The following DLK2 variants were observed in gnomAD, a reference collection of about 807,000 sequenced individuals.
DLK2 encodes the protein protein delta homolog 2.
A neutral mutation model predicts 31.3 loss-of-function variants in DLK2; 9 were observed. The observed-to-expected ratio is 0.29, with a 90% CI of 0.17 to 0.50. The LOEUF (loss-of-function observed/expected upper bound fraction) is 0.50, where lower values mean the gene tolerates loss of function less well. DLK2 is among the 20% of genes least tolerant of loss of function. The probability of loss-of-function intolerance (pLI) is 0.98; values close to 1 mark genes in which losing one functional copy is unlikely to be tolerated. For synonymous variants in DLK2, 169 were observed against 201.2 expected (o/e 0.84, Z 1.35); for missense variants, 387 against 526.1 (o/e 0.74, Z 2.59).
rs1345628438 is a variant in DLK2 at position 43,453,928 on chromosome 6, C to A, written c.140+483G>T. Among the ~76,000 whole-genome samples the A allele has an allele frequency of 1.3e-5, 2 of 152,212 alleles. No individual in the cohort carries two copies. Among genetic ancestry groups the A allele is most frequent in the East Asian group, 1.9e-4 (1 of 5,206 alleles). On this transcript the variant is annotated intron_variant, in intron 3 of 5. Coordinates refer to ENST00000372488, the MANE Select transcript of DLK2 (RefSeq NM_023932.4). This position sits in a 1 kb window ranked among gnomAD's most constrained non-coding sequence, Gnocchi z 4.1. ...CAAAGACCCCCAGCCAATTGAACTACCTGCCTCATCAACTCATTTCCTTAT... is the reference window on the plus strand; with the variant it reads ...CAAAGACCCCCAGCCAATTGAACTAACTGCCTCATCAACTCATTTCCTTAT...
In DLK2 at chr6:43,451,282, A is replaced by G. The variant is rs187477013; in HGVS notation, c.417-8T>C. The G allele has an allele frequency of 7.4e-3, 11,998 of 1,612,112 alleles. 63 individuals carry two copies. The highest frequency in any genetic ancestry group is 8.9e-3 in the Non-Finnish European group (10,456 of 1,178,822). ...CCATTGCGGCATGGGGAGCTGTGGT[A>G]GGGGTGAGAGAGGACATGATAACCA... On this transcript the variant is annotated splice_polypyrimidine_tract_variant and splice_region_variant and intron_variant, in intron 5 of 5. Coordinates refer to ENST00000372488, the MANE Select transcript of DLK2 (RefSeq NM_023932.4). The surrounding 1 kb of genome is among the most constrained non-coding windows in gnomAD (Gnocchi z 4.4).
chr6:43,454,584 G>A (rs552664678), intron 2 of DLK2, 110 bp from the exon 3 acceptor site: 11 of 1,342,708 alleles, frequency 8.2e-6, no homozygotes, highest in East Asian at 7.6e-5. Flanking sequence ...CTCAACCCTA[G>A]GGCAGGACAT....
chr6:43,451,037 G>T lies in DLK2; in HGVS notation c.654C>A (p.Ser218Arg). 6.2e-7 allele frequency: 1 copy of T among 1,614,254 alleles called. No homozygotes were observed. The highest frequency in any genetic ancestry group is 1.6e-4 in the Middle Eastern group (1 of 6,062). ...FCTINLDDCA[S>R]RPCQRGARCR... ...AGCGGGCCCCTCTCTGGCATGGGCG[G>T]CTGGCACAGTCATCCAGGTTGATGG... The change falls in exon 6 of 6, where the codon AGC becomes AGA. Residue 218 changes from serine to arginine, a missense_variant. Physicochemically the swap from Ser to Arg is moderately radical, Grantham distance 110 (BLOSUM62 -1). Coordinates refer to ENST00000372488, the MANE Select transcript of DLK2 (RefSeq NM_023932.4). The surrounding 1 kb of genome is among the most constrained non-coding windows in gnomAD (Gnocchi z 4.4).
rs572757128 is a variant in DLK2 at position 43,452,891 on chromosome 6, A to G, written c.271+114T>C. On this transcript the variant is annotated intron_variant, in intron 4 of 5. Transcript: ENST00000372488. The stretch of plus-strand genomic sequence containing the variant: ...GTCTAAGATTTAAAAAAATGATAAA[A>G]TACCATGTATTTGAGGGTTTGACAA... 4.6e-5 allele frequency: 67 copies of G among 1,447,136 alleles called. 1 individual carries two copies. In the South Asian group the frequency reaches 8.4e-4, roughly 18 times the overall value. The allele number at this position is 1,447,136 out of a possible 1,614,324, so 89.6% of individuals were successfully genotyped here.
In DLK2 at chr6:43,453,165, C is replaced by G; in HGVS notation, c.141-30G>C. On this transcript the variant is annotated intron_variant, in intron 3 of 5. Transcript: ENST00000372488. The surrounding 1 kb of genome is among the most constrained non-coding windows in gnomAD (Gnocchi z 4.1). ...CGGGGAGAAGCACAGGGTCAGGGCTCTGGGTCATGGATGTGAAGAAATGGA... is the reference window on the plus strand; with the variant it reads ...CGGGGAGAAGCACAGGGTCAGGGCTGTGGGTCATGGATGTGAAGAAATGGA... 6.4e-7 allele frequency: 1 copy of G among 1,572,790 alleles called. No individual in the cohort carries two copies. Among genetic ancestry groups the G allele is most frequent in the Non-Finnish European group, 8.7e-7 (1 of 1,154,818 alleles).
rs150553624 is a variant in DLK2, at chr6:43,451,828, C to T, written c.416+112G>A. On this transcript the variant is annotated intron_variant, in intron 5 of 5. Coordinates refer to ENST00000372488, the MANE Select transcript of DLK2 (RefSeq NM_023932.4). This position sits in a 1 kb window ranked among gnomAD's most constrained non-coding sequence, Gnocchi z 4.4. ...TGCAGGGGTTTTATCTGAGTGTCCCCGTGTGGGTCTGACTCTCAGTCCCCC... is the reference window on the plus strand; with the variant it reads ...TGCAGGGGTTTTATCTGAGTGTCCCTGTGTGGGTCTGACTCTCAGTCCCCC... 1.3e-3 allele frequency: 1,893 copies of T among 1,478,764 alleles called. 16 individuals are homozygous for T. The African/African-American group carries it at 0.019, about 15-fold the overall frequency. The allele number at this position is 1,478,764 out of a possible 1,614,324, so 91.6% of individuals were successfully genotyped here.
chr6:43,455,260 G>T, intron 1 of DLK2, 135 bp downstream of exon 1: 2 of 187,150 alleles, frequency 1.1e-5, no homozygotes, highest in Non-Finnish European at 1.0e-5. Flanking sequence ...AGCAGTCTCC[G>T]CCCCACAGCT....
chr6:43,454,534 G>C (rs1039954536), intron 2 of DLK2, 60 bp from the exon 3 acceptor site: 3 of 1,510,326 alleles, frequency 2.0e-6, no homozygotes, highest in Non-Finnish European at 2.7e-6. Flanking sequence ...GCTGGGATGC[G>C]GGACTCAGGA....
chr6:43,453,682 T>C lies in DLK2; in HGVS notation c.141-547A>G, dbSNP rs1435094421. Among the ~76,000 whole-genome samples, 3 of 152,088 alleles carry C rather than the reference T, an allele frequency of 2.0e-5. No individual in the cohort carries two copies. Among genetic ancestry groups the C allele is most frequent in the African/African-American group, 4.8e-5 (2 of 41,412 alleles). On this transcript the variant is annotated intron_variant, in intron 3 of 5. Transcript: ENST00000372488. This position sits in a 1 kb window ranked among gnomAD's most constrained non-coding sequence, Gnocchi z 4.1. ...GGTGGTGTGCATCTGTAATCCATTA[T>C]TGAGGAGGCTGAGGCAGGGGAACTT...
Position 43,451,277 on chromosome 6 carries a change from G to A in DLK2, c.417-3C>T. ...GCCCGCCATTGCGGCATGGGGAGCT[G>A]TGGTAGGGGTGAGAGAGGACATGAT... is the stretch of plus-strand genomic sequence containing the variant. On this transcript the variant is annotated splice_polypyrimidine_tract_variant and splice_region_variant and intron_variant, in intron 5 of 5. Transcript: ENST00000372488. This position sits in a 1 kb window ranked among gnomAD's most constrained non-coding sequence, Gnocchi z 4.4. 6.2e-7 allele frequency: 1 copy of A among 1,612,958 alleles called. No homozygotes were observed. The highest frequency in any genetic ancestry group is 8.5e-7 in the Non-Finnish European group (1 of 1,179,372).
At chr6:43,454,530 A>G in intron 2 of DLK2, 56 bp from the exon 3 acceptor site, 3 of 1,524,102 alleles carry the variant, frequency 2.0e-6, no homozygotes, top group South Asian at 2.4e-5. Context: ...GCTCGCTGGG[A>G]TGCGGGACTC....
chr6:43,455,626 G>A (rs932796186), upstream of DLK2: 1 of 44,648 alleles, frequency 2.2e-5, no homozygotes, highest in Admixed American at 1.7e-4. Flanking sequence ...GGCGGAGCCC[G>A]CCCCCACCCC....
chr6:43,455,325 C>T (rs1783939368), intron 1 of DLK2, 70 bp downstream of exon 1: 1 of 153,670 alleles, frequency 6.5e-6, no homozygotes, highest in Admixed American at 6.5e-5. Context: ...CTTTCTATCT[C>T]CGCCGCGCTG....
chr6:43,455,298 A>G, intron 1 of DLK2, 97 bp downstream of exon 1: 1 of 60,962 alleles, frequency 1.6e-5, no homozygotes, highest in Non-Finnish European at 3.3e-5. Context: ...CGCCACCACC[A>G]CTCTCTCCCA....
rs771410927 is a variant in DLK2 at position 43,451,154 on chromosome 6, C to G, written c.537G>C (p.Leu179=). Residue 179 remains leucine (L), a synonymous_variant, in exon 6 of 6, where the codon CTG becomes CTC. Coordinates refer to ENST00000372488, the MANE Select transcript of DLK2 (RefSeq NM_023932.4). The surrounding 1 kb of genome is among the most constrained non-coding windows in gnomAD (Gnocchi z 4.4). ...ARCEVNVDDC[L]MRPCANGATC... is the part of the protein sequence containing the mutation. ...TGGCACCGTTAGCACAAGGCCGCAT[C>G]AGGCAGTCATCCACATTTACCTCAC... 2.5e-6 allele frequency: 4 copies of G among 1,614,084 alleles called. No homozygotes were observed. Among genetic ancestry groups the G allele is most frequent in the Non-Finnish European group, 2.5e-6 (3 of 1,180,042 alleles).
Position 43,451,962 on chromosome 6 carries a change from C to A in DLK2, c.394G>T (p.Ala132Ser), listed in dbSNP as rs780702112. 2.5e-6 allele frequency: 4 copies of A among 1,614,058 alleles called. No individual in the cohort carries two copies. In the African/African-American group the frequency reaches 4.0e-5, roughly 16 times the overall value. The stretch of plus-strand genomic sequence containing the variant: ...CACCCTGCCTGTTCACAGGGTCCAG[C>A]CTTGCGCTCGCAGTCACGCCCATGG... Reference protein sequence around the residue: ...GFHGRDCERKAGPCEQAGSPC... With the variant: ...GFHGRDCERKSGPCEQAGSPC... Residue 132 changes from alanine (A) to serine (S), a missense_variant, in exon 5 of 6, where the codon GCT (alanine) becomes TCT (serine). Transcript: ENST00000372488. This position sits in a 1 kb window ranked among gnomAD's most constrained non-coding sequence, Gnocchi z 4.4.
rs1191638614 is a variant in DLK2, at chr6:43,453,701, G to A, written c.141-566C>T. On this transcript the variant is annotated intron_variant, in intron 3 of 5. Coordinates refer to ENST00000372488, the MANE Select transcript of DLK2 (RefSeq NM_023932.4). This position sits in a 1 kb window ranked among gnomAD's most constrained non-coding sequence, Gnocchi z 4.1. ...CCATTATTGAGGAGGCTGAGGCAGG[G>A]GAACTTGAACACAAGAGGCAGAGGC... Among the ~76,000 whole-genome samples the A allele has an allele frequency of 2.0e-5, 3 of 152,028 alleles. No homozygotes were observed. Among genetic ancestry groups the A allele is most frequent in the South Asian group, 2.1e-4 (1 of 4,822 alleles).
chr6:43,454,682 G>A, intron 2 of DLK2, 68 bp downstream of exon 2: 1 of 1,518,418 alleles, frequency 6.6e-7, no homozygotes, highest in South Asian at 1.2e-5. Context: ...CCTCCGGCCG[G>A]CAGAGGTCAA....
rs148487781 is a variant in DLK2 at position 43,451,215 on chromosome 6, G to A, written c.476C>T (p.Thr159Met). The A allele has an allele frequency of 1.1e-4, 185 of 1,614,182 alleles. No individual in the cohort carries two copies. The highest frequency in any genetic ancestry group is 1.6e-4 in the Middle Eastern group (1 of 6,062). ...QDDQGFALNFTCRCLVGFVGA... is the reference protein window; with the variant it reads ...QDDQGFALNFMCRCLVGFVGA... ...CACAAAGCCCACCAAGCAGCGGCAC[G>A]TGAAGTTGAGAGCAAAGCCCTGGTC... The change falls in exon 6 of 6, where the codon ACG becomes ATG. Residue 159 changes from threonine (T) to methionine (M), a missense_variant. Coordinates refer to ENST00000372488, the MANE Select transcript of DLK2 (RefSeq NM_023932.4). This position sits in a 1 kb window ranked among gnomAD's most constrained non-coding sequence, Gnocchi z 4.4.
Sources: gnomAD v4.1 joint callset for allele counts (sites outside exome capture counted in the v4.1 genomes callset) on GRCh38, gnomAD v4.1.1 for gene constraint, Gnocchi (gnomAD v3.1) non-coding constraint, MANE v1.5 for transcripts, NCBI Gene and HGNC (gene_info 2026-07-23, HGNC 2026-07-21) for gene names.